Variants in SERINC1 observed in about 807,000 individuals in gnomAD.
SERINC1 encodes the protein tumor differentially expressed protein 2.
In SERINC1, 38 loss-of-function variants were observed where a neutral mutation model predicts 52.9. The ratio of observed to expected loss-of-function variants is 0.72; its 90% CI spans 0.55 to 0.94. SERINC1 has a LOEUF of 0.94. SERINC1 is among the 40% of genes least tolerant of loss of function. The pLI, the probability that SERINC1 is intolerant of heterozygous loss-of-function variation, is 0.00. For missense variants in SERINC1, 471 were observed against 533.9 expected, an observed-to-expected ratio of 0.88 and a Z score of 1.16; for synonymous variants, 198 against 183.1, an observed-to-expected ratio of 1.08 and a Z score of -0.66.
In SERINC1 at chr6:122,454,784, G is replaced by A. The variant is rs1032340055; in HGVS notation, c.372-554C>T. Among the ~76,000 whole-genome samples the A allele has an allele frequency of 2.0e-5, 3 of 151,958 alleles. No individual in the cohort carries two copies. In the South Asian group the frequency reaches 6.2e-4, roughly 31 times the overall value. On this transcript the variant is annotated intron_variant, in intron 3 of 9. Coordinates refer to ENST00000339697, the MANE Select transcript of SERINC1 (RefSeq NM_020755.4). ...GCTGAGTTGCTTGCTGAAGGCAAAG[G>A]GAATACACAATGGGTAGCAGAAGGC...
chr6:122,460,776 G>A (rs1476353365), intron 1 of SERINC1, among the ~76,000 whole-genome samples: 1 of 152,158 alleles, frequency 6.6e-6, no homozygotes, highest in African/African-American at 2.4e-5. Flanking sequence ...AAATGATATA[G>A]ATAACTGAGT....
chr6:122,452,587 T>C lies in SERINC1; in HGVS notation c.590-530A>G, dbSNP rs1433139214. On this transcript the variant is annotated intron_variant, in intron 5 of 9. Coordinates refer to ENST00000339697, the MANE Select transcript of SERINC1 (RefSeq NM_020755.4). ...AATAAGTCAACCTATGCTTTTTCTATGTAAATTTCAACATACACAAGTTGT... is the reference window on the plus strand; with the variant it reads ...AATAAGTCAACCTATGCTTTTTCTACGTAAATTTCAACATACACAAGTTGT... 2.6e-5 allele frequency among the ~76,000 whole-genome samples: 4 copies of C among 152,342 alleles called. No individual in the cohort carries two copies. In the East Asian group the frequency reaches 7.7e-4, roughly 29 times the overall value.
At chr6:122,469,313 T>C (rs1775235344) in intron 1 of SERINC1, among the ~76,000 whole-genome samples, 1 of 152,182 alleles carries the variant, frequency 6.6e-6, no homozygotes, top group African/African-American at 2.4e-5. Flanking sequence ...TTGTTTTTAA[T>C]TCTGGCTTAC....
intron 1 of SERINC1, among the ~76,000 whole-genome samples, chr6:122,465,667 CTT>C (rs1387007846): frequency 6.6e-6 from 1 of 152,164 alleles, no homozygotes; most frequent in Non-Finnish European, 1.5e-5. Flanking sequence ...ACACCAAGCT[CTT>C]GAGTGTCCCA....
intron 1 of SERINC1, among the ~76,000 whole-genome samples, chr6:122,461,391 A>G (rs1324081900): frequency 6.6e-6 from 1 of 152,128 alleles, no homozygotes; most frequent in African/African-American, 2.4e-5. Flanking sequence ...ATCAGTACCG[A>G]AAGAAAAAAA....
At position 122,452,076 on chromosome 6, in the gene SERINC1, T is replaced by C; in HGVS notation, c.590-19A>G. On this transcript the variant is annotated intron_variant, in intron 5 of 9. Transcript: ENST00000339697. ...AACAAGGCTGTGAAAGAAATATAAT[T>C]GGATAATTAGCTTTTTATCAGAAAT... 1 of 1,423,778 alleles carries C rather than the reference T, an allele frequency of 7.0e-7. No individual in the cohort carries two copies. Among genetic ancestry groups the C allele is most frequent in the Non-Finnish European group, 9.3e-7 (1 of 1,078,778 alleles). The allele number at this position is 1,423,778 out of a possible 1,614,324, so 88.2% of individuals were successfully genotyped here. A position where few individuals can be genotyped will look rare whatever the true frequency, so the allele number is the denominator to read the frequency against.
intron 9 of SERINC1, among the ~76,000 whole-genome samples, chr6:122,446,053 G>A (rs919650979): frequency 2.0e-5 from 3 of 151,692 alleles, no homozygotes; most frequent in African/African-American, 4.8e-5. Flanking sequence ...ACTGAGAGCC[G>A]CCTTACAATT....
At chr6:122,471,550 A>T in intron 1 of SERINC1, 149 bp downstream of exon 1, 1 of 900,820 alleles carries the variant, frequency 1.1e-6, no homozygotes, top group Non-Finnish European at 1.8e-6. Flanking sequence ...CTGAGTGACG[A>T]GAGGAGACGG....
In SERINC1 at chr6:122,451,930, G is replaced by A. The variant is rs1290414271; in HGVS notation, c.717C>T (p.Leu239=). ...NKAFISVNML[L]CVGASVMSIL... ...TAGACATTACAGAAGCACCAACGCA[G>A]AGGAGCATGTTGACACTGATGAACG... is the stretch of plus-strand genomic sequence containing the variant. Residue 239 remains leucine (L), a synonymous_variant, in exon 6 of 10, where the codon CTC becomes CTT. Transcript: ENST00000339697. The A allele has an allele frequency of 6.3e-7, 1 of 1,596,316 alleles. No homozygotes were observed. The highest frequency in any genetic ancestry group is 8.5e-7 in the Non-Finnish European group (1 of 1,172,594).
At chr6:122,459,940 T>C (rs1044813394) in intron 1 of SERINC1, among the ~76,000 whole-genome samples, 2 of 152,198 alleles carry the variant, frequency 1.3e-5, no homozygotes, top group African/African-American at 4.8e-5. Context: ...GGAGAAACCA[T>C]GACCAGACTT....
chr6:122,445,571 G>A (rs1257248114), intron 9 of SERINC1, among the ~76,000 whole-genome samples: 6 of 52,898 alleles, frequency 1.1e-4, no homozygotes, highest in Non-Finnish European at 3.8e-5. Flanking sequence ...CCCCTCCCCC[G>A]CCCCTCCCTT....
At chr6:122,471,031 TA>T (rs1775284204) in intron 1 of SERINC1, among the ~76,000 whole-genome samples, 1 of 150,992 alleles carries the variant, frequency 6.6e-6, no homozygotes, top group Non-Finnish European at 1.5e-5. Context: ...GTTTTGTGCC[TA>T]AAGACAAAAT....
Position 122,451,993 on chromosome 6 carries a change from G to C in SERINC1, c.654C>G (p.Val218=). 1 of 1,593,944 alleles carries C rather than the reference G, an allele frequency of 6.3e-7. No homozygotes were observed. Among genetic ancestry groups the C allele is most frequent in the African/African-American group, 1.4e-5 (1 of 73,436 alleles). The change falls in exon 6 of 10, where the codon GTC becomes GTG. Residue 218 remains valine (V), a synonymous_variant. Transcript: ENST00000339697. ...AACAACTGGCTGGATGAGTGTAGTA[G>C]ACAAAGAACAGGACGATAGCAACTA... ...LSLVAIVLFF[V]YYTHPASCSE...
chr6:122,445,302 T>C (rs1774770615), intron 9 of SERINC1, 123 bp from the exon 10 acceptor site: 2 of 884,524 alleles, frequency 2.3e-6, no homozygotes, highest in Non-Finnish European at 3.4e-6. Context: ...AGATATATCA[T>C]TGCTGCATCT....
At chr6:122,465,945 TG>T (rs1775182422) in intron 1 of SERINC1, among the ~76,000 whole-genome samples, 1 of 152,000 alleles carries the variant, frequency 6.6e-6, no homozygotes, top group Non-Finnish European at 1.5e-5. Flanking sequence ...GCTATAAAAA[TG>T]GAACAGAGGC....
rs978617371 is a variant in SERINC1, at chr6:122,454,296, C to A, written c.372-66G>T. The stretch of plus-strand genomic sequence containing the variant: ...CATCAAATAATTTCATATATGAAAT[C>A]ATTTAACTGCATCTTAACAAATAGC... On this transcript the variant is annotated intron_variant, in intron 3 of 9. Coordinates refer to ENST00000339697, the MANE Select transcript of SERINC1 (RefSeq NM_020755.4). 4.4e-5 allele frequency: 34 copies of A among 776,954 alleles called. 4 individuals carry two copies. The Admixed American group carries it at 5.5e-4, about 13-fold the overall frequency. 48.1% of individuals were successfully genotyped at this position (776,954 alleles called of 1,614,324 possible).
At chr6:122,469,245 C>T (rs377429753) in intron 1 of SERINC1, among the ~76,000 whole-genome samples, 2 of 151,616 alleles carry the variant, frequency 1.3e-5, no homozygotes, top group Admixed American at 1.3e-4. Flanking sequence ...AAGGAAAAAA[C>T]TTTTACTAAA....
chr6:122,465,041 A>G (rs774273248), intron 1 of SERINC1, among the ~76,000 whole-genome samples: 4 of 152,100 alleles, frequency 2.6e-5, no homozygotes, highest in Non-Finnish European at 4.4e-5. Flanking sequence ...TTTTTTCTTT[A>G]AAAAAGAAAG....
intron 3 of SERINC1, among the ~76,000 whole-genome samples, chr6:122,455,626 G>A (rs1309955984): frequency 6.6e-6 from 1 of 152,014 alleles, no homozygotes; most frequent in African/African-American, 2.4e-5. Flanking sequence ...TATCCTATTA[G>A]TTCTGTCCCT....
Sources: allele counts gnomAD v4.1 joint callset (sites outside exome capture counted in the v4.1 genomes callset), GRCh38; gene constraint gnomAD v4.1.1; transcripts MANE v1.5; gene names NCBI Gene and HGNC (gene_info 2026-07-23, HGNC 2026-07-21).